The following TMEM132C variants were observed in gnomAD, a reference collection of about 807,000 sequenced individuals.
TMEM132C encodes the protein transmembrane protein 132C.
Under a neutral mutation model 61.4 loss-of-function variants are expected in TMEM132C, and 29 were observed. That is an observed-to-expected ratio of 0.47 (90% CI 0.35 to 0.64). TMEM132C has a LOEUF of 0.64. Ranked by LOEUF, TMEM132C falls within the 30% of genes least tolerant of loss-of-function variation. The probability of loss-of-function intolerance (pLI) is 0.00; values close to 1 mark genes in which losing one functional copy is unlikely to be tolerated. For missense variants in TMEM132C, 1,408 were observed against 1,476.9 expected (o/e 0.95, Z 0.76); for synonymous variants, 656 against 633.1 (o/e 1.04, Z -0.54).
chr12:128,700,121 C>T (rs1021567397), intron 8 of TMEM132C, among the ~76,000 whole-genome samples: 2 of 152,116 alleles, frequency 1.3e-5, no homozygotes, highest in Non-Finnish European at 2.9e-5. Context: ...GGGGTATGGC[C>T]GGCCGCTCCC....
chr12:128,540,311 TG>T (rs756015525), intron 2 of TMEM132C, among the ~76,000 whole-genome samples: 4 of 152,218 alleles, frequency 2.6e-5, no homozygotes, highest in Non-Finnish European at 5.9e-5. Context: ...TGCACTGCAG[TG>T]GCACGATCTT....
At chr12:128,309,402 A>G (rs1174185154) in intron 1 of TMEM132C, among the ~76,000 whole-genome samples, 1 of 152,200 alleles carries the variant, frequency 6.6e-6, no homozygotes, top group African/African-American at 2.4e-5. Flanking sequence ...CATACTACCA[A>G]TAAGCATTTT....
chr12:128,268,889 G>C (rs1005039526), intron 1 of TMEM132C, among the ~76,000 whole-genome samples: 2 of 94,926 alleles, frequency 2.1e-5, no homozygotes, highest in Non-Finnish European at 4.5e-5. Flanking sequence ...GTGAGAGAGG[G>C]GGGGGAAGAA....
intron 1 of TMEM132C, among the ~76,000 whole-genome samples, chr12:128,349,814 A>T (rs975222138): frequency 6.6e-6 from 1 of 151,952 alleles, no homozygotes; most frequent in African/African-American, 2.4e-5. Flanking sequence ...CTTGTAGGTA[A>T]ATTCTCCTCT....
chr12:128,552,537 TTAATG>T (rs1234651349), intron 3 of TMEM132C, among the ~76,000 whole-genome samples: 2 of 151,840 alleles, frequency 1.3e-5, no homozygotes, highest in African/African-American at 4.8e-5. Flanking sequence ...AAAAATAACT[TTAATG>T]TACACAAATA....
intron 1 of TMEM132C, among the ~76,000 whole-genome samples, chr12:128,369,365 T>G (rs1713611): frequency 6.6e-6 from 1 of 152,208 alleles, no homozygotes; most frequent in South Asian, 2.1e-4. Context: ...ATTAATACAA[T>G]GTTCACTATG....
rs767506039 is a variant in TMEM132C at position 128,447,705 on chromosome 12, CTTTTTTTTTTTTTTTT to C, written c.974+32102_974+32117del. Among the ~76,000 whole-genome samples, 480 of 58,644 alleles carry C rather than the reference CTTTTTTTTTTTTTTTT, an allele frequency of 8.2e-3. 27 individuals carry two copies. Among genetic ancestry groups the C allele is most frequent in the African/African-American group, 0.038 (457 of 11,922 alleles). The allele number at this position is 58,644 out of a possible 152,430, so 38.5% of individuals were successfully genotyped here. A position where few individuals can be genotyped will look rare whatever the true frequency, so the allele number is the denominator to read the frequency against. ...TAGACGTATGATATTATTTCAAGTG[CTTTTTTTTTTTTTTTT>C]TTTTTTTTTTTTTTTTGAGACGGAG... On this transcript the variant is annotated intron_variant, in intron 2 of 8. Transcript: ENST00000435159.
chr12:128,669,652 G>A (rs1338155989), intron 5 of TMEM132C, 92 bp downstream of exon 5: 13 of 1,445,970 alleles, frequency 9.0e-6, no homozygotes, highest in South Asian at 5.6e-5. Context: ...AATACATGAC[G>A]TTCAACTATA....
chr12:128,640,474 G>A (rs905813775), intron 4 of TMEM132C, among the ~76,000 whole-genome samples: 4 of 152,030 alleles, frequency 2.6e-5, no homozygotes, highest in Middle Eastern at 3.4e-3. Context: ...AGGGCTGGGA[G>A]GGACTGGGGG....
chr12:128,674,840 C>T (rs1445139180), intron 5 of TMEM132C, among the ~76,000 whole-genome samples: 2 of 151,080 alleles, frequency 1.3e-5, no homozygotes, highest in East Asian at 1.9e-4. Flanking sequence ...CCCCAAAATT[C>T]CCCCCAAGGC....
chr12:128,622,368 T>A (rs3996465), intron 4 of TMEM132C, among the ~76,000 whole-genome samples: 3,028 of 47,224 alleles, frequency 0.064, 131 homozygotes, highest in Non-Finnish European at 0.082. Flanking sequence ...AAAATATATA[T>A]ATATATATAT....
chr12:128,392,021 G>C (rs78429827), intron 1 of TMEM132C, among the ~76,000 whole-genome samples: 22,402 of 150,834 alleles, frequency 0.15, 1,801 homozygotes, highest in East Asian at 0.2. Context: ...AAAATTTGCA[G>C]TCTCCCCCAC....
chr12:128,543,837 A>T, intron 2 of TMEM132C, 120 bp from the exon 3 acceptor site: 3 of 1,342,784 alleles, frequency 2.2e-6, no homozygotes, highest in Non-Finnish European at 2.0e-6. Flanking sequence ...CTCTCACTAG[A>T]TATGAAAAAA....
At position 128,387,401 on chromosome 12, in the gene TMEM132C, C is replaced by G. The variant is rs979064063; in HGVS notation, c.86-27331C>G. On this transcript the variant is annotated intron_variant, in intron 1 of 8. Transcript: ENST00000435159. The stretch of plus-strand genomic sequence containing the variant: ...AGCACCAGGCTTGGGAAACCTGTGC[C>G]TGGGAGGGAACCGCACACCCAGTGC... 2.0e-5 allele frequency among the ~76,000 whole-genome samples: 3 copies of G among 152,190 alleles called. No individual in the cohort carries two copies. In the East Asian group the frequency reaches 5.8e-4, roughly 29 times the overall value.
chr12:128,428,247 A>AAAAC (rs1555224026), intron 2 of TMEM132C, among the ~76,000 whole-genome samples: 1 of 151,558 alleles, frequency 6.6e-6, no homozygotes, highest in Non-Finnish European at 1.5e-5. Context: ...TTTTTTCCCT[A>AAAAC]TAAAACTTTT....
At chr12:128,533,923 C>T (rs1038565135) in intron 2 of TMEM132C, among the ~76,000 whole-genome samples, 10 of 150,808 alleles carry the variant, frequency 6.6e-5, no homozygotes, top group African/African-American at 2.4e-5. Flanking sequence ...CATACACACA[C>T]ACATGCTCCT....
intron 4 of TMEM132C, among the ~76,000 whole-genome samples, chr12:128,661,530 G>A (rs532219559): frequency 1.3e-5 from 2 of 149,188 alleles, no homozygotes; most frequent in South Asian, 4.2e-4. Context: ...TCTCAACCCA[G>A]CAATTTCACT....
chr12:128,475,424 G>A (rs772188806), intron 2 of TMEM132C, among the ~76,000 whole-genome samples: 23 of 152,218 alleles, frequency 1.5e-4, no homozygotes, highest in Admixed American at 6.5e-4. Context: ...GGGAGGGACC[G>A]CTAACTGGCA....
chr12:128,323,317 C>T (rs115207031), intron 1 of TMEM132C, among the ~76,000 whole-genome samples: 3,193 of 152,272 alleles, frequency 0.021, 107 homozygotes, highest in African/African-American at 0.073. Context: ...TCAGGTCCAT[C>T]AGTGGAAGAT....
Sources: allele counts gnomAD v4.1 joint callset (sites outside exome capture counted in the v4.1 genomes callset), GRCh38; gene constraint gnomAD v4.1.1; transcripts MANE v1.5; gene names NCBI Gene and HGNC (gene_info 2026-07-23, HGNC 2026-07-21).